The following DOCK1 variants were observed in gnomAD, a reference collection of about 807,000 sequenced individuals.
DOCK1 encodes the protein dedicator of cytokinesis 1.
In DOCK1, 138 loss-of-function variants were observed where a neutral mutation model predicts 262.7. The ratio of observed to expected loss-of-function variants is 0.53; its 90% confidence interval spans 0.46 to 0.61. The LOEUF (loss-of-function observed/expected upper bound fraction) is 0.61. Ranked by LOEUF, DOCK1 falls within the 20% of genes least tolerant of loss-of-function variation. The pLI is 0.00. For synonymous variants in DOCK1, 866 were observed against 867.4 expected (o/e 1.00, Z 0.03); for missense variants, 1,908 against 2,370.7 (o/e 0.80, Z 4.05).
chr10:127,424,623 G>A (rs1207337846), intron 46 of DOCK1, among the ~76,000 whole-genome samples: 2 of 152,202 alleles, frequency 1.3e-5, no homozygotes, highest in Non-Finnish European at 2.9e-5. Flanking sequence ...GAACTCAGGA[G>A]GCAGAAGGCT....
chr10:127,441,694 C>A (rs2070154887), intron 49 of DOCK1, among the ~76,000 whole-genome samples: 1 of 149,610 alleles, frequency 6.7e-6, no homozygotes, highest in East Asian at 2.0e-4. Context: ...ACCAGCCACC[C>A]CCCCACCACC....
chr10:127,023,855 G>A (rs914663738), intron 14 of DOCK1, among the ~76,000 whole-genome samples: 10 of 152,142 alleles, frequency 6.6e-5, no homozygotes, highest in African/African-American at 2.2e-4. Context: ...CCATTGTTAC[G>A]ATTTGAGAGA....
At chr10:126,988,106 G>A (rs1484647863) in intron 5 of DOCK1, 1 of 151,944 alleles carries the variant, frequency 6.6e-6, no homozygotes, top group East Asian at 1.9e-4. Flanking sequence ...GACAGGAATA[G>A]GGAAATATTT....
chr10:127,158,954 G>C (rs74870075), intron 27 of DOCK1, among the ~76,000 whole-genome samples: 12,237 of 152,118 alleles, frequency 0.08, 1,389 homozygotes, highest in African/African-American at 0.25. Flanking sequence ...CTAGAACTGG[G>C]TTTTATCCCA....
chr10:127,094,253 G>A (rs568994205), intron 23 of DOCK1, among the ~76,000 whole-genome samples: 2 of 152,232 alleles, frequency 1.3e-5, no homozygotes, highest in South Asian at 2.1e-4. Context: ...TGTCAATGTC[G>A]ATTAAATTTC....
At chr10:127,329,523 G>T (rs2062885347) in intron 29 of DOCK1, among the ~76,000 whole-genome samples, 1 of 151,868 alleles carries the variant, frequency 6.6e-6, no homozygotes, top group African/African-American at 2.4e-5. Flanking sequence ...GGGGTGCTGG[G>T]GCGAGCAGAC....
intron 23 of DOCK1, among the ~76,000 whole-genome samples, chr10:127,068,815 A>T (rs1483224110): frequency 1.3e-5 from 2 of 152,064 alleles, no homozygotes; most frequent in Admixed American, 6.5e-5. Context: ...ACACACACAC[A>T]CTTTTACAGT....
chr10:127,383,521 C>T (rs2065933615), intron 37 of DOCK1, among the ~76,000 whole-genome samples: 1 of 152,222 alleles, frequency 6.6e-6, no homozygotes, highest in African/African-American at 2.4e-5. Context: ...ATCTTGCAGA[C>T]CGCTTAAAGG....
chr10:127,241,843 T>G (rs1195216391), intron 27 of DOCK1, among the ~76,000 whole-genome samples: 1 of 152,156 alleles, frequency 6.6e-6, no homozygotes, highest in African/African-American at 2.4e-5. Context: ...AGAGTAAACA[T>G]GTGGTCCTCT....
chr10:127,065,977 C>T (rs367679887), intron 23 of DOCK1, among the ~76,000 whole-genome samples: 23 of 152,156 alleles, frequency 1.5e-4, no homozygotes, highest in Middle Eastern at 3.4e-3. Flanking sequence ...CCCTGAGACC[C>T]GCTCCACCCC....
intron 47 of DOCK1, among the ~76,000 whole-genome samples, chr10:127,428,853 G>T (rs550755150): frequency 1.2e-4 from 17 of 140,322 alleles, no homozygotes; most frequent in African/African-American, 4.5e-4. Context: ...CGTGTGGATT[G>T]GGGTGTCGTG....
chr10:127,033,957 C>A (rs565261861), intron 18 of DOCK1, among the ~76,000 whole-genome samples: 15 of 152,236 alleles, frequency 9.9e-5, no homozygotes, highest in African/African-American at 3.6e-4. Context: ...CTTTTATATT[C>A]CATTTGCATG....
rs1206813746 is a variant in DOCK1 at position 127,257,473 on chromosome 10, A to G, written c.3044+44A>G. On this transcript the variant is annotated intron_variant, in intron 29 of 51. Coordinates refer to ENST00000623213, the MANE Select transcript of DOCK1 (RefSeq NM_001290223.2). ...GCTCTCACCTTTTCTATGGCTCCCAATTCATGTCTGCTGGGAACAGTGGTG... is the reference window on the plus strand; with the variant it reads ...GCTCTCACCTTTTCTATGGCTCCCAGTTCATGTCTGCTGGGAACAGTGGTG... 8 of 1,528,272 alleles carry G rather than the reference A, an allele frequency of 5.2e-6. No homozygotes were observed. In the East Asian group the frequency reaches 9.5e-5, roughly 18 times the overall value. 94.7% of individuals were successfully genotyped at this position (1,528,272 alleles called of 1,614,324 possible).
intron 1 of DOCK1, among the ~76,000 whole-genome samples, chr10:126,907,124 C>G (rs1025922584): frequency 2.1e-5 from 1 of 48,634 alleles, no homozygotes; most frequent in Non-Finnish European, 4.0e-5. Context: ...CAGTCTGCAT[C>G]AGAGGCGAGA....
intron 43 of DOCK1, among the ~76,000 whole-genome samples, chr10:127,413,569 G>A (rs891872750): frequency 2.1e-4 from 32 of 152,338 alleles, no homozygotes; most frequent in African/African-American, 7.7e-4. Flanking sequence ...GGTGACTGAT[G>A]TGCTGGGGAG....
chr10:127,077,564 TG>T (rs746952601), intron 23 of DOCK1, among the ~76,000 whole-genome samples: 7 of 151,896 alleles, frequency 4.6e-5, no homozygotes, highest in Non-Finnish European at 1.0e-4. Context: ...ATGGCATGGG[TG>T]GGTGGGATTA....
At chr10:126,948,206 TTGG>T (rs1267989220) in intron 1 of DOCK1, among the ~76,000 whole-genome samples, 194 of 83,512 alleles carry the variant, frequency 2.3e-3, no homozygotes, top group Non-Finnish European at 2.8e-3. Flanking sequence ...AGTATTACTG[TTGG>T]TGGTGATGGT....
intron 11 of DOCK1, among the ~76,000 whole-genome samples, 177 bp downstream of exon 11, chr10:127,008,981 C>G (rs371110999): frequency 1.3e-5 from 2 of 152,188 alleles, no homozygotes; most frequent in East Asian, 3.9e-4. Context: ...CATAAGAATC[C>G]TGGGTCAAAG....
intron 12 of DOCK1, chr10:127,013,400 C>T (rs2041622056): frequency 6.6e-6 from 1 of 152,216 alleles, no homozygotes; most frequent in Admixed American, 6.5e-5. Flanking sequence ...AGATTGGAGT[C>T]ACTCTCAGGC....
Sources: gnomAD v4.1 joint callset for allele counts (sites outside exome capture counted in the v4.1 genomes callset) on GRCh38, gnomAD v4.1.1 for gene constraint, MANE v1.5 for transcripts, NCBI Gene and HGNC (gene_info 2026-07-23, HGNC 2026-07-21) for gene names.